Variants in FLVCR2 observed in about 807,000 individuals in gnomAD.
FLVCR2 encodes the protein choline/ethanolamine transporter FLVCR2.
Under a neutral mutation model 48.9 loss-of-function variants are expected in FLVCR2, and 38 were observed. The ratio of observed to expected loss-of-function variants is 0.78; its 90% CI spans 0.60 to 1.02. The LOEUF (loss-of-function observed/expected upper bound fraction) is 1.02, where lower values mean the gene tolerates loss of function less well. Among genes scored for constraint, FLVCR2 ranks in the 50% least tolerant of loss-of-function variants. FLVCR2 has a pLI of 0.00. For missense variants in FLVCR2, 664 were observed against 663.3 expected (o/e 1.00, Z -0.01); for synonymous variants, 255 against 257.0 (o/e 0.99, Z 0.07).
intron 3 of FLVCR2, among the ~76,000 whole-genome samples, chr14:75,626,291 C>T (rs972597313): frequency 2.0e-5 from 3 of 152,120 alleles, no homozygotes; most frequent in Admixed American, 6.5e-5. Flanking sequence ...TGCGCCCAGC[C>T]AAAATCTGCA....
Position 75,579,271 on chromosome 14 carries a change from T to G in FLVCR2, c.299T>G (p.Phe100Cys), listed in dbSNP as rs141436449. 4 of 1,614,074 alleles carry G rather than the reference T, an allele frequency of 2.5e-6. No homozygotes were observed. In the African/African-American group the frequency reaches 5.3e-5, roughly 22 times the overall value. ...VFSCYSMCNS[F>C]QWIQYGSINN... is the part of the protein sequence containing the mutation. ...AGCTGCTACTCCATGTGCAACTCCT[T>G]TCAGTGGATCCAGTACGGCTCCATC... The change falls in exon 1 of 10, where the codon TTT becomes TGT. Residue 100 changes from phenylalanine to cysteine, a missense_variant. Transcript: ENST00000238667.
At chr14:75,643,867 T>C (rs2140056733) in intron 9 of FLVCR2, among the ~76,000 whole-genome samples, 2 of 152,272 alleles carry the variant, frequency 1.3e-5, no homozygotes, top group Middle Eastern at 3.4e-3. Context: ...GATCAGGAGT[T>C]TGAGACCAGC....
At chr14:75,599,904 T>C (rs564042731) in intron 1 of FLVCR2, among the ~76,000 whole-genome samples, 1 of 152,286 alleles carries the variant, frequency 6.6e-6, no homozygotes, top group Non-Finnish European at 1.5e-5. Context: ...TGGATAACCA[T>C]ATGAAATTAG....
chr14:75,641,950 T>G (rs367941072), intron 9 of FLVCR2, 52 bp downstream of exon 9: 233 of 1,532,636 alleles, frequency 1.5e-4, no homozygotes, highest in Non-Finnish European at 1.5e-5. Flanking sequence ...AGGCTTTTGA[T>G]GAGGATGTGG....
chr14:75,614,476 A>G (rs1472420482), intron 1 of FLVCR2, among the ~76,000 whole-genome samples: 1 of 152,246 alleles, frequency 6.6e-6, no homozygotes, highest in Non-Finnish European at 1.5e-5. Flanking sequence ...CGTCAAGGAA[A>G]GCTCTGTGAG....
At chr14:75,644,854 GAA>G (rs1890382679) in intron 9 of FLVCR2, among the ~76,000 whole-genome samples, 2 of 152,158 alleles carry the variant, frequency 1.3e-5, no homozygotes, top group African/African-American at 4.8e-5. Flanking sequence ...ATAGTTTAGG[GAA>G]AAAGAGATGG....
chr14:75,644,536 A>T (rs1462924288), intron 9 of FLVCR2, among the ~76,000 whole-genome samples: 1 of 152,212 alleles, frequency 6.6e-6, no homozygotes, highest in Non-Finnish European at 1.5e-5. Flanking sequence ...AGTAGGAATA[A>T]CAGCCTTAGG....
At chr14:75,640,574 C>T (rs974414043) in intron 6 of FLVCR2, among the ~76,000 whole-genome samples, 3 of 152,180 alleles carry the variant, frequency 2.0e-5, no homozygotes, top group African/African-American at 4.8e-5. Flanking sequence ...AGATCCTGCT[C>T]AATATCCAGG....
At chr14:75,632,658 G>A (rs1488588529) in intron 3 of FLVCR2, 3 of 702,240 alleles carry the variant, frequency 4.3e-6, no homozygotes. Flanking sequence ...CTGTCCACAA[G>A]CTATGTGTCC....
In FLVCR2 at chr14:75,641,243, C is replaced by T; in HGVS notation, c.1403C>T (p.Pro468Leu). ...GQIIDNYGTK[P>L]GNIFLCVFLT... ...ATTATTGACAACTATGGAACCAAGC[C>T]TGGGAACATCTTCCTGTGTGTGTTC... Residue 468 changes from proline to leucine, a missense_variant, in exon 8 of 10, where the codon CCT (proline) becomes CTT (leucine). Coordinates refer to ENST00000238667, the MANE Select transcript of FLVCR2 (RefSeq NM_017791.3). The T allele has an allele frequency of 6.2e-7, 1 of 1,614,072 alleles. No homozygotes were observed. Among genetic ancestry groups the T allele is most frequent in the Admixed American group, 1.7e-5 (1 of 60,024 alleles).
chr14:75,605,153 T>G (rs1303269898), intron 1 of FLVCR2, among the ~76,000 whole-genome samples: 1 of 152,196 alleles, frequency 6.6e-6, no homozygotes, highest in East Asian at 1.9e-4. Context: ...TCCCTTGACT[T>G]GAACTCCCCC....
In FLVCR2 at chr14:75,579,585, T is replaced by C; in HGVS notation, c.613T>C (p.Trp205Arg). Residue 205 changes from tryptophan to arginine, a missense_variant, in exon 1 of 10, where the codon TGG becomes CGG. By Grantham distance (101) the Trp-to-Arg change is moderately radical. Coordinates refer to ENST00000238667, the MANE Select transcript of FLVCR2 (RefSeq NM_017791.3). ...CATGCCCTCCCGCATCGCTTCCGTC[T>C]GGTTCGGGGCTAATGAGGTTTCAAC... ...LGMPSRIASVWFGANEVSTAC... is the reference protein window; with the variant it reads ...LGMPSRIASVRFGANEVSTAC... 6.2e-7 allele frequency: 1 copy of C among 1,614,114 alleles called. No homozygotes were observed. Among genetic ancestry groups the C allele is most frequent in the Non-Finnish European group, 8.5e-7 (1 of 1,180,026 alleles).
intron 1 of FLVCR2, among the ~76,000 whole-genome samples, chr14:75,608,129 G>A (rs1411525265): frequency 6.6e-6 from 1 of 152,192 alleles, no homozygotes; most frequent in African/African-American, 2.4e-5. Context: ...GGCTTCTCTA[G>A]ACACACATCG....
rs764900003 is a variant in FLVCR2, at chr14:75,622,240, G to T, written c.811+20G>T. Reference sequence around the variant, plus strand: ...TCATTGGTAAGGTCATTAGTAAACAGATGGGGTAGCAGGGGGCGAAGGGGC... The same window carrying T: ...TCATTGGTAAGGTCATTAGTAAACATATGGGGTAGCAGGGGGCGAAGGGGC... On this transcript the variant is annotated intron_variant, in intron 2 of 9. Coordinates refer to ENST00000238667, the MANE Select transcript of FLVCR2 (RefSeq NM_017791.3). 1.4e-5 allele frequency: 22 copies of T among 1,613,776 alleles called. No homozygotes were observed. In the South Asian group the frequency reaches 2.4e-4, roughly 18 times the overall value.
At chr14:75,592,537 T>C (rs983189206) in intron 1 of FLVCR2, among the ~76,000 whole-genome samples, 2 of 152,246 alleles carry the variant, frequency 1.3e-5, no homozygotes, top group Non-Finnish European at 2.9e-5. Flanking sequence ...ATTCCTCTTC[T>C]GAAAATGTTC....
rs769865263 is a variant in FLVCR2, at chr14:75,646,610, A to G, written c.*138A>G. ...GGACTATTTGTGGCATGGATGGCCT[A>G]TTCCTCCTAGAACCCACGTAAGAGC... On this transcript the variant is annotated 3_prime_UTR_variant, in exon 10 of 10. Coordinates refer to ENST00000238667, the MANE Select transcript of FLVCR2 (RefSeq NM_017791.3). 1.9e-5 allele frequency: 14 copies of G among 720,486 alleles called. 1 individual carries two copies. The highest frequency in any genetic ancestry group is 1.0e-4 in the Admixed American group (5 of 49,708). 44.6% of individuals were successfully genotyped at this position (720,486 alleles called of 1,614,324 possible).
At chr14:75,631,389 G>T (rs1456743751) in intron 3 of FLVCR2, among the ~76,000 whole-genome samples, 7 of 152,180 alleles carry the variant, frequency 4.6e-5, no homozygotes, top group Non-Finnish European at 1.0e-4. Flanking sequence ...GTGGAACAGA[G>T]ACCACACTTT....
intron 5 of FLVCR2, among the ~76,000 whole-genome samples, chr14:75,635,770 T>C (rs1890153341): frequency 6.6e-6 from 1 of 151,608 alleles, no homozygotes; most frequent in Admixed American, 6.6e-5. Flanking sequence ...GAGGCTGAGG[T>C]AGAAGGATCG....
chr14:75,633,485 C>T, intron 3 of FLVCR2, 144 bp from the exon 4 acceptor site: 1 of 753,144 alleles, frequency 1.3e-6, no homozygotes, highest in Non-Finnish European at 2.4e-6. Flanking sequence ...TCAGACCTCC[C>T]TGGAGTTTTC....
Sources: gnomAD v4.1 joint callset for allele counts (sites outside exome capture counted in the v4.1 genomes callset) on GRCh38, gnomAD v4.1.1 for gene constraint, MANE v1.5 for transcripts, NCBI Gene and HGNC (gene_info 2026-07-23, HGNC 2026-07-21) for gene names.